The following LRMDA variants were observed in gnomAD, a reference collection of about 807,000 sequenced individuals.
LRMDA encodes the protein leucine-rich melanocyte differentiation-associated protein.
Under a neutral mutation model 29.8 loss-of-function variants are expected in LRMDA, and 18 were observed. The observed-to-expected ratio is 0.60, with a 90% CI of 0.42 to 0.90. The LOEUF is 0.90. Ranked by LOEUF, LRMDA falls within the 40% of genes least tolerant of loss-of-function variation. The pLI is 0.00. For missense variants in LRMDA, 273 were observed against 273.9 expected, an observed-to-expected ratio of 1.00 and a Z score of 0.02; for synonymous variants, 125 against 109.4, an observed-to-expected ratio of 1.14 and a Z score of -0.89.
At chr10:76,350,669 T>G (rs1841165049) in intron 6 of LRMDA, among the ~76,000 whole-genome samples, 1 of 152,152 alleles carries the variant, frequency 6.6e-6, no homozygotes, top group Non-Finnish European at 1.5e-5. Flanking sequence ...CAGAATGTGG[T>G]CAGAATCCTC....
At chr10:75,803,820 A>G (rs1435284946) in intron 2 of LRMDA, among the ~76,000 whole-genome samples, 1 of 151,868 alleles carries the variant, frequency 6.6e-6, no homozygotes, top group Admixed American at 6.6e-5. Context: ...TCAGATACCC[A>G]CCCCTAACCA....
chr10:76,505,209 C>T (rs1462922380), intron 6 of LRMDA, among the ~76,000 whole-genome samples: 5 of 151,526 alleles, frequency 3.3e-5, no homozygotes, highest in Admixed American at 6.6e-5. Context: ...TGTAAATGAA[C>T]GGATCCTTCT....
chr10:76,430,648 G>C (rs1457406571), intron 6 of LRMDA, among the ~76,000 whole-genome samples: 1 of 152,100 alleles, frequency 6.6e-6, no homozygotes, highest in African/African-American at 2.4e-5. Flanking sequence ...TTTAGGGATA[G>C]GAATATTGTT....
intron 2 of LRMDA, among the ~76,000 whole-genome samples, chr10:75,657,402 G>A (rs533560021): frequency 6.0e-4 from 92 of 152,278 alleles, no homozygotes; most frequent in African/African-American, 2.1e-3. Flanking sequence ...CGTGGTAGGC[G>A]CTTGGGTAAT....
In LRMDA at chr10:76,430,793, C is replaced by G. The variant is rs80249110; in HGVS notation, c.601+106308C>G. ...GGTGGCAGTATAGAATATAGAGTTT[C>G]AGATAGGGTCAGTGAGTGATTTCAA... On this transcript the variant is annotated intron_variant, in intron 6 of 6. Transcript: ENST00000611255. Among the ~76,000 whole-genome samples, 252 of 152,292 alleles carry G rather than the reference C, an allele frequency of 1.7e-3. 3 individuals carry two copies. The East Asian group carries it at 0.044, about 27-fold the overall frequency.
At chr10:75,798,826 C>CT (rs1468973184) in intron 2 of LRMDA, among the ~76,000 whole-genome samples, 1 of 151,952 alleles carries the variant, frequency 6.6e-6, no homozygotes, top group Non-Finnish European at 1.5e-5. Flanking sequence ...GATCTGATCA[C>CT]TATATACATT....
At chr10:75,978,074 G>A (rs1039768399) in intron 2 of LRMDA, among the ~76,000 whole-genome samples, 3 of 152,206 alleles carry the variant, frequency 2.0e-5, no homozygotes, top group African/African-American at 7.2e-5. Flanking sequence ...CAACTTAGGG[G>A]ACAGATCCTC....
At chr10:76,089,674 G>A (rs527283806) in intron 5 of LRMDA, among the ~76,000 whole-genome samples, 3 of 152,228 alleles carry the variant, frequency 2.0e-5, no homozygotes, top group East Asian at 3.9e-4. Flanking sequence ...CACTGGGCAC[G>A]AGTGCACCAC....
At chr10:76,528,102 T>C (rs935361354) in intron 6 of LRMDA, among the ~76,000 whole-genome samples, 2 of 152,196 alleles carry the variant, frequency 1.3e-5, no homozygotes, top group Non-Finnish European at 2.9e-5. Flanking sequence ...TGCATATTAA[T>C]ATGTTTTTGA....
intron 2 of LRMDA, among the ~76,000 whole-genome samples, chr10:75,545,703 C>T (rs552193534): frequency 3.3e-5 from 5 of 152,236 alleles, no homozygotes; most frequent in African/African-American, 7.2e-5. Context: ...TGGTAAGAGT[C>T]AAAGTTGGGA....
At chr10:75,497,434 C>T (rs970903638) in intron 2 of LRMDA, among the ~76,000 whole-genome samples, 1 of 151,994 alleles carries the variant, frequency 6.6e-6, no homozygotes, top group Non-Finnish European at 1.5e-5. Flanking sequence ...GAACACTCAG[C>T]ATGCCTATCA....
intron 6 of LRMDA, among the ~76,000 whole-genome samples, chr10:76,338,815 A>G (rs1190657732): frequency 6.6e-6 from 1 of 152,240 alleles, no homozygotes; most frequent in Non-Finnish European, 1.5e-5. Context: ...TGCTAACACA[A>G]AATCCAGGAA....
At chr10:75,589,010 G>A (rs7901588) in intron 2 of LRMDA, among the ~76,000 whole-genome samples, 93,112 of 152,070 alleles carry the variant, frequency 0.61, 31,512 homozygotes, top group East Asian at 0.85. Flanking sequence ...TTCAATCCCT[G>A]TTGATGGACA....
chr10:76,384,757 AT>A (rs1214494102), intron 6 of LRMDA, among the ~76,000 whole-genome samples: 1 of 152,134 alleles, frequency 6.6e-6, no homozygotes, highest in African/African-American at 2.4e-5. Context: ...TTTTGCTTGG[AT>A]TTGTATTTCT....
At chr10:75,608,995 C>T (rs763516036) in intron 2 of LRMDA, among the ~76,000 whole-genome samples, 2 of 152,188 alleles carry the variant, frequency 1.3e-5, no homozygotes, top group African/African-American at 2.4e-5. Context: ...GTCACCTGCA[C>T]GTACTCTCAA....
At position 75,975,554 on chromosome 10, in the gene LRMDA, G is replaced by A. The variant is rs143902078; in HGVS notation, c.132-60454G>A. On this transcript the variant is annotated intron_variant, in intron 2 of 6. Coordinates refer to ENST00000611255, the MANE Select transcript of LRMDA (RefSeq NM_001305581.2). ...TGGAGTGCCAGGGACTGTGTCCTTC[G>A]AGGACAGATTGGGTACCCTGTTTTC... Among the ~76,000 whole-genome samples, 268 of 152,224 alleles carry A rather than the reference G, an allele frequency of 1.8e-3. 2 individuals carry two copies. Among genetic ancestry groups the A allele is most frequent in the African/African-American group, 6.1e-3 (252 of 41,544 alleles).
At chr10:75,654,848 A>G (rs1841647111) in intron 2 of LRMDA, among the ~76,000 whole-genome samples, 1 of 152,272 alleles carries the variant, frequency 6.6e-6, no homozygotes, top group Non-Finnish European at 1.5e-5. Context: ...ACAGAAGACA[A>G]TGAAAAGAAA....
chr10:75,794,044 A>G (rs1447235399), intron 2 of LRMDA, among the ~76,000 whole-genome samples: 6 of 152,248 alleles, frequency 3.9e-5, no homozygotes, highest in African/African-American at 9.6e-5. Context: ...ACAAACAGGC[A>G]GCAGGCTGCA....
chr10:75,690,768 G>A (rs1030543197), intron 2 of LRMDA, among the ~76,000 whole-genome samples: 12 of 151,508 alleles, frequency 7.9e-5, no homozygotes, highest in African/African-American at 2.9e-4. Context: ...GACCAGCCTG[G>A]TCTTGCATTA....
Sources: gnomAD v4.1 joint callset for allele counts (sites outside exome capture counted in the v4.1 genomes callset) on GRCh38, gnomAD v4.1.1 for gene constraint, MANE v1.5 for transcripts, NCBI Gene and HGNC (gene_info 2026-07-23, HGNC 2026-07-21) for gene names.